ADARB2: variants seen among roughly 807,000 people sequenced by gnomAD.
The protein encoded by ADARB2 is adenosine deaminase RNA specific B2 (inactive).
In ADARB2, 25 loss-of-function variants were observed where a neutral mutation model predicts 62.2. That is an observed-to-expected ratio of 0.40 (90% CI 0.29 to 0.56). The LOEUF is 0.56. ADARB2 is among the 20% of genes least tolerant of loss of function. The pLI is 0.43. For synonymous variants in ADARB2, 572 were observed against 500.8 expected, an observed-to-expected ratio of 1.14 and a Z score of -1.90; for missense variants, 1,071 against 1,077.4, an observed-to-expected ratio of 0.99 and a Z score of 0.08.
intron 3 of ADARB2, among the ~76,000 whole-genome samples, chr10:1,293,245 G>A (rs1410106880): frequency 1.7e-4 from 21 of 125,562 alleles, no homozygotes; most frequent in African/African-American, 6.8e-4. Context: ...AGAGAGGGAC[G>A]GGGGGAGAGG....
intron 1 of ADARB2, among the ~76,000 whole-genome samples, chr10:1,706,149 G>T (rs2119146348): frequency 6.6e-6 from 1 of 152,306 alleles, no homozygotes; most frequent in East Asian, 1.9e-4. Context: ...AATCAGCTGT[G>T]TGCTCAAATT....
chr10:1,526,766 G>A (rs1347218329), intron 1 of ADARB2: 3 of 479,884 alleles, frequency 6.3e-6, no homozygotes, highest in Non-Finnish European at 1.3e-5. Context: ...GGACTGAGCC[G>A]GATGACATGA....
At chr10:1,303,158 A>G (rs1831591628) in intron 3 of ADARB2, among the ~76,000 whole-genome samples, 1 of 151,910 alleles carries the variant, frequency 6.6e-6, no homozygotes, top group African/African-American at 2.4e-5. Context: ...TGTAACTAGA[A>G]TAACCAATAC....
intron 1 of ADARB2, among the ~76,000 whole-genome samples, chr10:1,484,827 C>T (rs919277374): frequency 6.6e-6 from 1 of 152,044 alleles, no homozygotes; most frequent in South Asian, 2.1e-4. Flanking sequence ...TGTTGGCATG[C>T]AGGTGTGTAT....
chr10:1,640,913 G>C (rs985548752), intron 1 of ADARB2, among the ~76,000 whole-genome samples: 1 of 152,162 alleles, frequency 6.6e-6, no homozygotes, highest in Non-Finnish European at 1.5e-5. Flanking sequence ...CATCCCGGCT[G>C]GACAAAGCTG....
At chr10:1,619,559 C>T (rs538938613) in intron 1 of ADARB2, among the ~76,000 whole-genome samples, 73 of 152,306 alleles carry the variant, frequency 4.8e-4, no homozygotes, top group African/African-American at 1.8e-3. Context: ...TCAAGCAATT[C>T]TCCTGTCTCA....
chr10:1,630,540 G>C (rs1833829653), intron 1 of ADARB2, among the ~76,000 whole-genome samples: 1 of 152,176 alleles, frequency 6.6e-6, no homozygotes, highest in African/African-American at 2.4e-5. Flanking sequence ...GTCTCCCATG[G>C]TGACAGTGAC....
At chr10:1,416,871 T>C (rs7096724) in intron 1 of ADARB2, among the ~76,000 whole-genome samples, 33,535 of 152,224 alleles carry the variant, frequency 0.22, 4,655 homozygotes, top group East Asian at 0.62. Context: ...AGAGAGAAGG[T>C]GTCGGCCTGG....
At chr10:1,342,965 G>C (rs1832043840) in intron 3 of ADARB2, among the ~76,000 whole-genome samples, 1 of 152,192 alleles carries the variant, frequency 6.6e-6, no homozygotes, top group Admixed American at 6.5e-5. Flanking sequence ...TTCAACTTAA[G>C]AGACTTGTAT....
chr10:1,705,026 G>A (rs1293657845), intron 1 of ADARB2, among the ~76,000 whole-genome samples: 1 of 152,132 alleles, frequency 6.6e-6, no homozygotes, highest in Non-Finnish European at 1.5e-5. Flanking sequence ...TTTTCAATAT[G>A]TGTGAAAAAA....
At chr10:1,538,527 G>A (rs968597418) in intron 1 of ADARB2, among the ~76,000 whole-genome samples, 1 of 152,206 alleles carries the variant, frequency 6.6e-6, no homozygotes, top group African/African-American at 2.4e-5. Flanking sequence ...GGATCACGCG[G>A]CCCCCAGAGG....
chr10:1,498,255 TC>T (rs1275589233), intron 1 of ADARB2, among the ~76,000 whole-genome samples: 1 of 151,998 alleles, frequency 6.6e-6, no homozygotes, highest in Non-Finnish European at 1.5e-5. Context: ...ATGCCTGTAA[TC>T]CCAGCTACTT....
At chr10:1,503,063 C>T (rs1040388274) in intron 1 of ADARB2, among the ~76,000 whole-genome samples, 1 of 152,204 alleles carries the variant, frequency 6.6e-6, no homozygotes, top group Non-Finnish European at 1.5e-5. Flanking sequence ...ATCATATGCA[C>T]ATCCAAGGAA....
At chr10:1,735,996 C>T (rs1835295686) in intron 1 of ADARB2, among the ~76,000 whole-genome samples, 1 of 152,204 alleles carries the variant, frequency 6.6e-6, no homozygotes, top group Admixed American at 6.5e-5. Flanking sequence ...CCAAACACAC[C>T]TAACGTTGCC....
At chr10:1,284,062 G>A (rs1439632533) in intron 3 of ADARB2, among the ~76,000 whole-genome samples, 1 of 152,162 alleles carries the variant, frequency 6.6e-6, no homozygotes, top group African/African-American at 2.4e-5. Flanking sequence ...GGAGAGTGTA[G>A]GGTCTCGATT....
At chr10:1,515,254 AGGCG>A (rs1831993985) in intron 1 of ADARB2, among the ~76,000 whole-genome samples, 1 of 152,216 alleles carries the variant, frequency 6.6e-6, no homozygotes, top group Admixed American at 6.5e-5. Flanking sequence ...GAGCAGGGGC[AGGCG>A]GGCACACAGT....
chr10:1,451,959 G>A (rs1435337049), intron 1 of ADARB2, among the ~76,000 whole-genome samples: 1 of 152,088 alleles, frequency 6.6e-6, no homozygotes, highest in Non-Finnish European at 1.5e-5. Flanking sequence ...TTTTTAGAGA[G>A]GTCACAGGAC....
chr10:1,206,091 C>T (rs1307315726), intron 7 of ADARB2, among the ~76,000 whole-genome samples: 1 of 152,232 alleles, frequency 6.6e-6, no homozygotes, highest in African/African-American at 2.4e-5. Flanking sequence ...ACTTCCAGGC[C>T]ACACATATCT....
rs1832285017 is a variant in ADARB2 at position 1,363,714 on chromosome 10, C to A, written c.391G>T (p.Val131Leu). The A allele has an allele frequency of 6.2e-7, 1 of 1,611,462 alleles. No homozygotes were observed. The highest frequency in any genetic ancestry group is 8.5e-7 in the Non-Finnish European group (1 of 1,179,516). Residue 131 changes from valine (V) to leucine (L), a missense_variant, in exon 3 of 10, where the codon GTG (valine) becomes TTG (leucine). Val to Leu is a conservative substitution (Grantham distance 32). Coordinates refer to ENST00000381312, the MANE Select transcript of ADARB2 (RefSeq NM_018702.4). The part of the protein sequence containing the change: ...SWSVAPKNAL[V>L]QLHELRPGLQ... ...CCCGGCCTCAGCTCGTGCAGCTGCA[C>A]CAGCGCGTTCTTGGGCGCCACCGAC...
Sources: allele counts gnomAD v4.1 joint callset (sites outside exome capture counted in the v4.1 genomes callset), GRCh38; gene constraint gnomAD v4.1.1; transcripts MANE v1.5; gene names NCBI Gene and HGNC (gene_info 2026-07-23, HGNC 2026-07-21).